VWA5B1: variants seen among roughly 807,000 people sequenced by gnomAD.
VWA5B1 encodes the protein von Willebrand factor A domain containing 5B1.
Under a neutral mutation model 118.2 loss-of-function variants are expected in VWA5B1, and 115 were observed. The ratio of observed to expected loss-of-function variants is 0.97; its 90% CI spans 0.84 to 1.14. VWA5B1 has a LOEUF of 1.14. Among genes scored for constraint, VWA5B1 ranks in the 50% most tolerant of loss-of-function variants. The pLI, the probability that VWA5B1 is intolerant of heterozygous loss-of-function variation, is 0.00. For missense variants in VWA5B1, 1,596 were observed against 1,603.8 expected, an observed-to-expected ratio of 1.00 and a Z score of 0.08; for synonymous variants, 682 against 658.4, an observed-to-expected ratio of 1.04 and a Z score of -0.55.
At chr1:20,325,605 GTC>G in intron 8 of VWA5B1, among the ~76,000 whole-genome samples, 2 of 152,300 alleles carry the variant, frequency 1.3e-5, no homozygotes, top group Admixed American at 1.3e-4. Context: ...CTGAAAGCCT[GTC>G]CAATCTTTGC....
chr1:20,332,829 T>C lies in VWA5B1; in HGVS notation c.1636T>C (p.Phe546Leu). The change falls in exon 12 of 22, where the codon TTC becomes CTC. Residue 546 changes from phenylalanine to leucine, a missense_variant. Transcript: ENST00000289815. ...GAGCGATGTGACTGTGGAGTGGATC[T>C]TCCCTGAGACCACTGAGGTCCTGGT... The part of the protein sequence containing the change: ...VLSDVTVEWI[F>L]PETTEVLVSP... 6.4e-7 allele frequency: 1 copy of C among 1,551,810 alleles called. No homozygotes were observed. Among genetic ancestry groups the C allele is most frequent in the Non-Finnish European group, 8.7e-7 (1 of 1,147,024 alleles).
intron 9 of VWA5B1, 151 bp from the exon 10 acceptor site, chr1:20,330,029 T>G: frequency 1.1e-6 from 1 of 870,854 alleles, no homozygotes; most frequent in Admixed American, 2.4e-5. Context: ...CCACCCATTC[T>G]TCCTGTGAGT....
intron 3 of VWA5B1, among the ~76,000 whole-genome samples, chr1:20,313,602 G>A (rs1428734209): frequency 6.6e-6 from 1 of 152,242 alleles, no homozygotes; most frequent in African/African-American, 2.4e-5. Context: ...CAGCATGTTA[G>A]TGGAAGAGCC....
At chr1:20,308,210 G>C (rs1292793292) in intron 1 of VWA5B1, among the ~76,000 whole-genome samples, 1 of 151,662 alleles carries the variant, frequency 6.6e-6, no homozygotes, top group African/African-American at 2.4e-5. Context: ...ACATGGTTTT[G>C]TTCTTTTTTA....
Position 20,342,596 on chromosome 1 carries a change from C to A in VWA5B1, c.2298C>A (p.Ser766Arg). ...GAGAGCGGACTTCTGACAGCCGAAG[C>A]CCTGGAGATCTGGGTAAGTGACCAC... ...PVRERTSDSR[S>R]PGDLEPSHHP... The change falls in exon 15 of 22, where the codon AGC (serine) becomes AGA (arginine). Residue 766 changes from serine to arginine, a missense_variant. Ser to Arg is a moderately radical substitution (Grantham distance 110). Coordinates refer to ENST00000289815, the MANE Select transcript of VWA5B1 (RefSeq NM_001039500.3). 4.0e-6 allele frequency: 6 copies of A among 1,490,558 alleles called. No individual in the cohort carries two copies. Among genetic ancestry groups the A allele is most frequent in the Non-Finnish European group, 5.4e-6 (6 of 1,120,670 alleles). The allele number at this position is 1,490,558 out of a possible 1,614,324, so 92.3% of individuals were successfully genotyped here.
intron 17 of VWA5B1, among the ~76,000 whole-genome samples, chr1:20,346,075 C>T (rs1333428978): frequency 1.3e-5 from 2 of 152,112 alleles, no homozygotes; most frequent in Non-Finnish European, 2.9e-5. Flanking sequence ...CTATATTTTA[C>T]AAAATATGGG....
rs1262933743 is a variant in VWA5B1 at position 20,312,935 on chromosome 1, AGCTGGAGAGCGGCCACTTCGAT to A, written c.242_263del (p.Leu81ProfsTer20). ...ACAGTACAGATCAAGGACAAAGCCA[AGCTGGAGAGCGGCCACTTCGAT>A]GCCTCCCATGTTCGATCCCCAACAG... On this transcript the variant is annotated frameshift_variant, in exon 3 of 22. Transcript: ENST00000289815. LOFTEE classifies it high-confidence loss of function. 1.3e-6 allele frequency: 2 copies of A among 1,551,710 alleles called. No homozygotes were observed. Among genetic ancestry groups the A allele is most frequent in the South Asian group, 2.4e-5 (2 of 84,058 alleles).
At chr1:20,323,988 AC>A (rs1162956577) in intron 8 of VWA5B1, among the ~76,000 whole-genome samples, 3 of 152,218 alleles carry the variant, frequency 2.0e-5, no homozygotes, top group African/African-American at 7.2e-5. Flanking sequence ...AGTTTCAGTC[AC>A]CTGCCCAAGG....
rs1254685980 is a variant in VWA5B1, at chr1:20,359,384, C to T, written c.*5121C>T. On this transcript the variant is annotated 3_prime_UTR_variant, in exon 22 of 22. Coordinates refer to ENST00000289815, the MANE Select transcript of VWA5B1 (RefSeq NM_001039500.3). ...ATGTCATGGAAGCCCTGGATGTCAGCCGTCTAATGTCCACTAATACTCAGC... is the reference window on the plus strand; with the variant it reads ...ATGTCATGGAAGCCCTGGATGTCAGTCGTCTAATGTCCACTAATACTCAGC... Among the ~76,000 whole-genome samples, 1 of 152,110 alleles carries T rather than the reference C, an allele frequency of 6.6e-6. No individual in the cohort carries two copies. Among genetic ancestry groups the T allele is most frequent in the African/African-American group, 2.4e-5 (1 of 41,430 alleles).
In VWA5B1 at chr1:20,355,711, G is replaced by A. The variant is rs2090216955; in HGVS notation, c.*1448G>A. On this transcript the variant is annotated 3_prime_UTR_variant, in exon 22 of 22. Coordinates refer to ENST00000289815, the MANE Select transcript of VWA5B1 (RefSeq NM_001039500.3). The stretch of plus-strand genomic sequence containing the variant: ...TCGAGGGGTGTGCAGCCTCCAGCAG[G>A]GGCTGGAGTCAGGGAGGAGGCTCCA... Among the ~76,000 whole-genome samples, 1 of 152,204 alleles carries A rather than the reference G, an allele frequency of 6.6e-6. No homozygotes were observed. The highest frequency in any genetic ancestry group is 6.5e-5 in the Admixed American group (1 of 15,290).
chr1:20,317,768 T>C (rs2089067015), intron 5 of VWA5B1, 93 bp downstream of exon 5: 6 of 1,404,476 alleles, frequency 4.3e-6, no homozygotes, highest in Non-Finnish European at 5.7e-6. Flanking sequence ...GAAAGCCAAC[T>C]GGCCCAGATG....
rs2088940701 is a variant in VWA5B1, at chr1:20,314,440, C to T, written c.411C>T (p.Pro137=). 7 of 1,551,870 alleles carry T rather than the reference C, an allele frequency of 4.5e-6. No individual in the cohort carries two copies. The East Asian group carries it at 1.2e-4, about 27-fold the overall frequency. ...LFVANLGTIA[P]MENVTIFIST... ...TGGCCAACCTGGGGACCATTGCCCC[C>T]ATGGAGAATGTCACCATCTTCATCA... The change falls in exon 4 of 22, where the codon CCC becomes CCT. Residue 137 remains proline, a synonymous_variant. Transcript: ENST00000289815.
At chr1:20,295,418 G>A (rs1459671503) in intron 1 of VWA5B1, among the ~76,000 whole-genome samples, 1 of 152,178 alleles carries the variant, frequency 6.6e-6, no homozygotes, top group Non-Finnish European at 1.5e-5. Context: ...AAGATCTCAG[G>A]AAGACAAATT....
At chr1:20,306,776 C>G (rs769578967) in intron 1 of VWA5B1, among the ~76,000 whole-genome samples, 65 of 152,184 alleles carry the variant, frequency 4.3e-4, no homozygotes, top group Admixed American at 4.6e-4. Flanking sequence ...CACCAGGAAC[C>G]TCTCTAAGCC....
intron 19 of VWA5B1, 136 bp from the exon 20 acceptor site, chr1:20,350,721 C>T (rs995660189): frequency 1.2e-6 from 1 of 800,224 alleles, no homozygotes; most frequent in African/African-American, 1.7e-5. Flanking sequence ...GCTCCACAGC[C>T]TAATGGTTAG....
chr1:20,316,618 A>T (rs1489828349), intron 4 of VWA5B1, among the ~76,000 whole-genome samples: 2 of 152,100 alleles, frequency 1.3e-5, no homozygotes, highest in African/African-American at 4.8e-5. Flanking sequence ...AGGATGGGAG[A>T]TGGGGTGGAG....
At chr1:20,308,105 CACTT>C (rs921547749) in intron 1 of VWA5B1, among the ~76,000 whole-genome samples, 1 of 152,132 alleles carries the variant, frequency 6.6e-6, no homozygotes. Context: ...GTTAAGCTCT[CACTT>C]ACAAGTGAGA....
At position 20,323,375 on chromosome 1, in the gene VWA5B1, G is replaced by A. The variant is rs1392136375; in HGVS notation, c.986G>A (p.Arg329His). ...AERKTEIIRK[R>H]LHKDIPHHSV... ...TTCCAGACAGAAATCATTCGAAAAC[G>A]CCTCCACAAAGACATTCCCCACCAC... The change falls in exon 8 of 22, where the codon CGC becomes CAC. Residue 329 changes from arginine (R) to histidine (H), a missense_variant. By Grantham distance (29) the Arg-to-His change is conservative (BLOSUM62 0). Transcript: ENST00000289815. 19 of 1,495,516 alleles carry A rather than the reference G, an allele frequency of 1.3e-5. No individual in the cohort carries two copies. Among genetic ancestry groups the A allele is most frequent in the Middle Eastern group, 1.7e-4 (1 of 5,818 alleles). 92.6% of individuals were successfully genotyped at this position (1,495,516 alleles called of 1,614,324 possible). A position where few individuals can be genotyped will look rare whatever the true frequency, so the allele number is the denominator to read the frequency against.
At chr1:20,320,302 T>A (rs1235321912) in intron 7 of VWA5B1, among the ~76,000 whole-genome samples, 1 of 152,266 alleles carries the variant, frequency 6.6e-6, no homozygotes, top group African/African-American at 2.4e-5. Context: ...GAACGGATTC[T>A]GTGGGGCAGT....
Sources: allele counts gnomAD v4.1 joint callset (sites outside exome capture counted in the v4.1 genomes callset), GRCh38; gene constraint gnomAD v4.1.1; transcripts MANE v1.5; gene names NCBI Gene and HGNC (gene_info 2026-07-23, HGNC 2026-07-21).